Variants in APBB1IP observed in about 807,000 individuals in gnomAD.
The protein encoded by APBB1IP is amyloid beta A4 precursor protein-binding family B member 1-interacting protein.
APBB1IP carries 27 observed loss-of-function variants against 64.9 expected under a neutral mutation model. That is an observed-to-expected ratio of 0.42 (90% CI 0.31 to 0.57). APBB1IP has a LOEUF of 0.57. Among genes scored for constraint, APBB1IP ranks in the 20% least tolerant of loss-of-function variants. The pLI is 0.20. For missense variants in APBB1IP, 812 were observed against 845.5 expected, an observed-to-expected ratio of 0.96 and a Z score of 0.49; for synonymous variants, 392 against 331.0, an observed-to-expected ratio of 1.18 and a Z score of -2.00.
chr10:26,444,632 G>A (rs1231184283), intron 2 of APBB1IP, among the ~76,000 whole-genome samples: 1 of 152,136 alleles, frequency 6.6e-6, no homozygotes, highest in Non-Finnish European at 1.5e-5. Context: ...ATGATTAGAA[G>A]TTCAATTTTG....
At position 26,494,987 on chromosome 10, in the gene APBB1IP, ATTTC is replaced by A. The variant is rs368140204; in HGVS notation, c.73-1297_73-1294del. 6.4e-3 allele frequency among the ~76,000 whole-genome samples: 969 copies of A among 150,440 alleles called. 4 individuals carry two copies. The highest frequency in any genetic ancestry group is 0.024 in the South Asian group (115 of 4,722). On this transcript the variant is annotated intron_variant, in intron 3 of 14. Transcript: ENST00000376236. ...TAAAAGGTGTTAGGATGGCAACCAT[ATTTC>A]TTTCTTTCTTTCTTTCTTTTTCTTT...
intron 10 of APBB1IP, among the ~76,000 whole-genome samples, chr10:26,539,424 GGAAA>G (rs989777532): frequency 7.6e-6 from 1 of 131,574 alleles, no homozygotes; most frequent in Non-Finnish European, 1.6e-5. Context: ...AAAAAAAGAA[GGAAA>G]GAAAGAGAGA....
chr10:26,555,469 G>T (rs1836883647), intron 11 of APBB1IP, among the ~76,000 whole-genome samples: 2 of 152,082 alleles, frequency 1.3e-5, no homozygotes, highest in Non-Finnish European at 2.9e-5. Context: ...TTTTAGTATG[G>T]AACATACTAT....
chr10:26,540,697 G>A (rs1004482637), intron 10 of APBB1IP, among the ~76,000 whole-genome samples: 5 of 151,972 alleles, frequency 3.3e-5, no homozygotes, highest in African/African-American at 7.2e-5. Flanking sequence ...TATAGAAAGC[G>A]AAACAAAAAA....
At chr10:26,472,663 A>G (rs765345394) in intron 2 of APBB1IP, among the ~76,000 whole-genome samples, 7 of 152,206 alleles carry the variant, frequency 4.6e-5, no homozygotes, top group Non-Finnish European at 8.8e-5. Flanking sequence ...GGCCAGGCAC[A>G]GTCAAGATCA....
chr10:26,561,223 C>T (rs550938447), intron 13 of APBB1IP, among the ~76,000 whole-genome samples: 7 of 151,232 alleles, frequency 4.6e-5, no homozygotes, highest in Non-Finnish European at 8.9e-5. Context: ...CGCCCGCCAC[C>T]ATGCCTGGCT....
At chr10:26,564,264 G>A (rs886839501) in intron 14 of APBB1IP, among the ~76,000 whole-genome samples, 1 of 151,996 alleles carries the variant, frequency 6.6e-6, no homozygotes, top group African/African-American at 2.4e-5. Context: ...GCTGCCTGGG[G>A]ATGTTTCATT....
At chr10:26,534,294 CAAAAAAA>C (rs71403804) in intron 9 of APBB1IP, among the ~76,000 whole-genome samples, 11 of 58,680 alleles carry the variant, frequency 1.9e-4, no homozygotes, top group Admixed American at 1.2e-3. Context: ...GATCCAGTCT[CAAAAAAA>C]AAAAAAAAAA....
At chr10:26,543,380 T>C (rs968698162) in intron 11 of APBB1IP, among the ~76,000 whole-genome samples, 2 of 149,394 alleles carry the variant, frequency 1.3e-5, no homozygotes, top group South Asian at 2.1e-4. Flanking sequence ...GGCAGGAGAA[T>C]CACTTGAACC....
intron 2 of APBB1IP, among the ~76,000 whole-genome samples, chr10:26,480,981 C>A (rs1164479764): frequency 6.6e-6 from 1 of 152,036 alleles, no homozygotes; most frequent in Non-Finnish European, 1.5e-5. Flanking sequence ...TCAAAAAATT[C>A]TAAATTGCAT....
intron 8 of APBB1IP, among the ~76,000 whole-genome samples, chr10:26,528,217 A>G (rs1202386374): frequency 6.6e-6 from 1 of 152,288 alleles, no homozygotes; most frequent in South Asian, 2.1e-4. Flanking sequence ...TTCTGGGGGA[A>G]GTTACTGCCC....
rs530145233 is a variant in APBB1IP, at chr10:26,527,775, C to T, written c.814-5664C>T. On this transcript the variant is annotated intron_variant, in intron 8 of 14. Transcript: ENST00000376236. ...TGGCACGATCTCGGCTCACTGCAAC[C>T]TCTGCCTCCCGGGTTCAAGCGATTC... is the stretch of plus-strand genomic sequence containing the variant. 1.2e-4 allele frequency among the ~76,000 whole-genome samples: 18 copies of T among 149,052 alleles called. No individual in the cohort carries two copies. In the South Asian group the frequency reaches 3.8e-3, roughly 32 times the overall value.
chr10:26,497,361 C>T lies in APBB1IP; in HGVS notation c.160+970C>T, dbSNP rs531870461. On this transcript the variant is annotated intron_variant, in intron 4 of 14. Transcript: ENST00000376236. Reference sequence around the variant, plus strand: ...GGTCAGGAGATCGAGACCATCCTGGCTAACACGGTGAAACCCCATCTCTAC... The same window carrying T: ...GGTCAGGAGATCGAGACCATCCTGGTTAACACGGTGAAACCCCATCTCTAC... Among the ~76,000 whole-genome samples, 96 of 151,866 alleles carry T rather than the reference C, an allele frequency of 6.3e-4. 1 individual carries two copies. Among genetic ancestry groups the T allele is most frequent in the Non-Finnish European group, 1.2e-3 (83 of 67,944 alleles).
rs117553500 is a variant in APBB1IP at position 26,551,662 on chromosome 10, G to A, written c.1156-8443G>A. 2.8e-3 allele frequency among the ~76,000 whole-genome samples: 428 copies of A among 152,266 alleles called. 13 individuals are homozygous for A. The East Asian group carries it at 0.065, about 23-fold the overall frequency. ...GGAAGGAGCGCTGGAATTCCGCCCCGTCGCTCACCTGCTTCCTACCCCTTA... is the reference window on the plus strand; with the variant it reads ...GGAAGGAGCGCTGGAATTCCGCCCCATCGCTCACCTGCTTCCTACCCCTTA... On this transcript the variant is annotated intron_variant, in intron 11 of 14. Transcript: ENST00000376236.
intron 2 of APBB1IP, among the ~76,000 whole-genome samples, chr10:26,458,340 A>T (rs1276903917): frequency 6.6e-5 from 10 of 151,732 alleles, no homozygotes; most frequent in Non-Finnish European, 1.3e-4. Flanking sequence ...GTGAGCCAAG[A>T]TCTTGCCGTT....
intron 3 of APBB1IP, 82 bp from the exon 4 acceptor site, chr10:26,496,222 T>C: frequency 9.8e-7 from 1 of 1,023,704 alleles, no homozygotes; most frequent in Non-Finnish European, 1.5e-6. Flanking sequence ...AAATGATACA[T>C]GGTTTTTGAC....
chr10:26,472,765 C>T (rs1167710691), intron 2 of APBB1IP, among the ~76,000 whole-genome samples: 1 of 151,962 alleles, frequency 6.6e-6, no homozygotes, highest in East Asian at 1.9e-4. Flanking sequence ...AGTGAAACCC[C>T]GTCTCTACTA....
chr10:26,445,111 A>AAAAG (rs1292911531), intron 2 of APBB1IP, among the ~76,000 whole-genome samples: 1 of 108,884 alleles, frequency 9.2e-6, no homozygotes, highest in Non-Finnish European at 1.8e-5. Context: ...AAAAAAGAGG[A>AAAAG]AAAGAAAGAA....
At chr10:26,554,697 T>C (rs1836873267) in intron 11 of APBB1IP, among the ~76,000 whole-genome samples, 1 of 152,174 alleles carries the variant, frequency 6.6e-6, no homozygotes, top group Admixed American at 6.5e-5. Context: ...TCCTCCTGCC[T>C]CAGCCTCCCA....
Sources: allele counts gnomAD v4.1 joint callset (sites outside exome capture counted in the v4.1 genomes callset), GRCh38; gene constraint gnomAD v4.1.1; transcripts MANE v1.5; gene names NCBI Gene and HGNC (gene_info 2026-07-23, HGNC 2026-07-21).